Variants in DCUN1D3 observed in about 807,000 individuals in gnomAD.
The protein encoded by DCUN1D3 is defective in cullin neddylation 1 domain containing 3, also known as DCN1-like protein 3.
In DCUN1D3, 6 loss-of-function variants were observed where a neutral mutation model predicts 24.8. The observed-to-expected ratio is 0.24, with a 90% confidence interval of 0.13 to 0.48. The LOEUF (loss-of-function observed/expected upper bound fraction) is 0.48, where lower values mean the gene tolerates loss of function less well. Ranked by LOEUF, DCUN1D3 falls within the 20% of genes least tolerant of loss-of-function variation. The probability of loss-of-function intolerance (pLI) is 0.99; values close to 1 mark genes in which losing one functional copy is unlikely to be tolerated. For missense variants in DCUN1D3, 258 were observed against 379.4 expected (o/e 0.68, Z 2.66); for synonymous variants, 120 against 144.9 (o/e 0.83, Z 1.24).
Position 20,859,647 on chromosome 16 carries a change from G to T in DCUN1D3, c.*239C>A. 2.6e-6 allele frequency: 1 copy of T among 389,260 alleles called. No individual in the cohort carries two copies. 24.1% of individuals were successfully genotyped at this position (389,260 alleles called of 1,614,324 possible). ...GGCTTCAAAAAAAGATACACAACAT[G>T]TAACCAGGTTCAAATATTCTGGGAG... is the stretch of plus-strand genomic sequence containing the variant. On this transcript the variant is annotated 3_prime_UTR_variant, in exon 3 of 3. Coordinates refer to ENST00000324344, the MANE Select transcript of DCUN1D3 (RefSeq NM_173475.4).
At chr16:20,877,652 C>A (rs924144697) in intron 1 of DCUN1D3, among the ~76,000 whole-genome samples, 3 of 152,186 alleles carry the variant, frequency 2.0e-5, no homozygotes, top group Non-Finnish European at 4.4e-5. Flanking sequence ...AGATGTTTAG[C>A]ACTTTCTCAC....
chr16:20,885,223 C>T (rs2081863187), intron 1 of DCUN1D3, among the ~76,000 whole-genome samples: 1 of 152,078 alleles, frequency 6.6e-6, no homozygotes. Context: ...ATTCCGCCCG[C>T]CTCAGTCTCC....
At chr16:20,881,732 CAG>C (rs1414597280) in intron 1 of DCUN1D3, among the ~76,000 whole-genome samples, 1 of 152,146 alleles carries the variant, frequency 6.6e-6, no homozygotes. Context: ...TAGCCTGTGA[CAG>C]AGACAGAGGA....
At chr16:20,878,774 A>G (rs1371563008) in intron 1 of DCUN1D3, among the ~76,000 whole-genome samples, 2 of 152,238 alleles carry the variant, frequency 1.3e-5, no homozygotes, top group Non-Finnish European at 2.9e-5. Context: ...GGAGGGCTGA[A>G]GCACATACCT....
Position 20,858,473 on chromosome 16 carries a change from G to A in DCUN1D3, c.*1413C>T, listed in dbSNP as rs1427942982. 1.3e-5 allele frequency: 2 copies of A among 151,268 alleles called. No homozygotes were observed. Among genetic ancestry groups the A allele is most frequent in the Non-Finnish European group, 2.9e-5 (2 of 67,844 alleles). 9.4% of individuals were successfully genotyped at this position (151,268 alleles called of 1,614,324 possible). A position where few individuals can be genotyped will look rare whatever the true frequency, so the allele number is the denominator to read the frequency against. ...CATTGAAGGCAGCTCCCTCTTTTAT[G>A]GCCAGTATAAGCAGGCAAAGAAACA... On this transcript the variant is annotated 3_prime_UTR_variant, in exon 3 of 3. Transcript: ENST00000324344.
At chr16:20,889,429 T>C (rs1596640009) in intron 1 of DCUN1D3, among the ~76,000 whole-genome samples, 1 of 151,912 alleles carries the variant, frequency 6.6e-6, no homozygotes, top group South Asian at 2.1e-4. Flanking sequence ...AGTAAGCTGG[T>C]TTCTTGCATT....
rs1215777333 is a variant in DCUN1D3 at position 20,856,040 on chromosome 16, C to T, written c.*3846G>A. 1 of 152,212 alleles carries T rather than the reference C, an allele frequency of 6.6e-6. No homozygotes were observed. Among genetic ancestry groups the T allele is most frequent in the East Asian group, 1.9e-4 (1 of 5,194 alleles). The allele number at this position is 152,212 out of a possible 1,614,324, so 9.4% of individuals were successfully genotyped here. On this transcript the variant is annotated 3_prime_UTR_variant, in exon 3 of 3. Coordinates refer to ENST00000324344, the MANE Select transcript of DCUN1D3 (RefSeq NM_173475.4). ...GCAGTCAAGTAAAATGCAACAAAAA[C>T]CTAGCAGCAGCTTTCTTCTACGCCT...
intron 1 of DCUN1D3, among the ~76,000 whole-genome samples, chr16:20,880,300 C>T (rs2081836447): frequency 6.6e-6 from 1 of 152,062 alleles, no homozygotes; most frequent in Non-Finnish European, 1.5e-5. Context: ...TGTATGATGA[C>T]ACAAAAAGGG....
chr16:20,886,271 C>G (rs1309517218), intron 1 of DCUN1D3, among the ~76,000 whole-genome samples: 13 of 152,166 alleles, frequency 8.5e-5, no homozygotes, highest in African/African-American at 3.1e-4. Flanking sequence ...GCCATCACCA[C>G]AAAGACTTCA....
chr16:20,874,720 T>C (rs1039987275), intron 1 of DCUN1D3, among the ~76,000 whole-genome samples: 9 of 152,352 alleles, frequency 5.9e-5, no homozygotes, highest in African/African-American at 2.2e-4. Context: ...TAAGAAAGTG[T>C]TTAAGTTTCA....
At chr16:20,882,436 A>G (rs1056500938) in intron 1 of DCUN1D3, among the ~76,000 whole-genome samples, 1 of 151,364 alleles carries the variant, frequency 6.6e-6, no homozygotes, top group African/African-American at 2.4e-5. Context: ...ATATATATAT[A>G]TATTTTTTAG....
intron 1 of DCUN1D3, among the ~76,000 whole-genome samples, chr16:20,892,527 C>T (rs1349663996): frequency 6.6e-6 from 1 of 152,164 alleles, no homozygotes; most frequent in Non-Finnish European, 1.5e-5. Context: ...AGCCAATTTG[C>T]TTTACAGATA....
At position 20,874,957 on chromosome 16, in the gene DCUN1D3, G is replaced by C. The variant is rs550022788; in HGVS notation, c.-105-12314C>G. Among the ~76,000 whole-genome samples the C allele has an allele frequency of 1.1e-3, 161 of 152,144 alleles. 1 individual carries two copies. The highest frequency in any genetic ancestry group is 1.8e-3 in the Non-Finnish European group (125 of 68,002). The stretch of plus-strand genomic sequence containing the variant: ...GTTGGAAGGCACTGTGGTACTGCAA[G>C]CTTTGCAAAGTAAGACATCTGATGA... On this transcript the variant is annotated intron_variant, in intron 1 of 2. Transcript: ENST00000324344.
intron 1 of DCUN1D3, among the ~76,000 whole-genome samples, chr16:20,878,549 G>C (rs1426970846): frequency 6.6e-6 from 1 of 152,202 alleles, no homozygotes; most frequent in African/African-American, 2.4e-5. Flanking sequence ...CAGGCTGCTG[G>C]TCTGAACTGC....
At chr16:20,893,333 C>T (rs1447928061) in intron 1 of DCUN1D3, among the ~76,000 whole-genome samples, 1 of 152,130 alleles carries the variant, frequency 6.6e-6, no homozygotes, top group East Asian at 1.9e-4. Context: ...CCACCACGCC[C>T]AGCTCCTTTC....
chr16:20,876,832 T>C (rs1567426156), intron 1 of DCUN1D3, among the ~76,000 whole-genome samples: 1 of 152,050 alleles, frequency 6.6e-6, no homozygotes, highest in Non-Finnish European at 1.5e-5. Context: ...TTACGTTAAG[T>C]GAAATAAACC....
intron 1 of DCUN1D3, among the ~76,000 whole-genome samples, chr16:20,881,862 G>A (rs140445020): frequency 1.4e-4 from 22 of 152,258 alleles, no homozygotes; most frequent in Admixed American, 3.3e-4. Flanking sequence ...GAGTGCAGTG[G>A]TACAATTTTG....
At chr16:20,867,825 C>T (rs112626701) in intron 1 of DCUN1D3, among the ~76,000 whole-genome samples, 1 of 152,320 alleles carries the variant, frequency 6.6e-6, no homozygotes, top group African/African-American at 2.4e-5. Flanking sequence ...GAGTCACTGG[C>T]CCAGGGCTTG....
rs1228222275 is a variant in DCUN1D3 at position 20,859,560 on chromosome 16, C to CAAAAAA, written c.*320_*325dup. The CAAAAAA allele has an allele frequency of 2.3e-5, 2 of 85,874 alleles. No individual in the cohort carries two copies. Among genetic ancestry groups the CAAAAAA allele is most frequent in the African/African-American group, 9.6e-5 (2 of 20,916 alleles). The allele number at this position is 85,874 out of a possible 1,614,324, so 5.3% of individuals were successfully genotyped here. On this transcript the variant is annotated 3_prime_UTR_variant, in exon 3 of 3. Coordinates refer to ENST00000324344, the MANE Select transcript of DCUN1D3 (RefSeq NM_173475.4). The stretch of plus-strand genomic sequence containing the variant: ...CCTACCAAAAAAAAAAAAAAAAAAA[C>CAAAAAA]AAAAAAAAACAAAAAAAAAACCTAA...
Sources: gnomAD v4.1 joint callset for allele counts (sites outside exome capture counted in the v4.1 genomes callset) on GRCh38, gnomAD v4.1.1 for gene constraint, MANE v1.5 for transcripts, NCBI Gene and HGNC (gene_info 2026-07-23, HGNC 2026-07-21) for gene names.